CYLC1: variants seen among roughly 807,000 people sequenced by gnomAD.
CYLC1 encodes cylicin 1.
In CYLC1, 2 loss-of-function variants were observed where a neutral mutation model predicts 31.6. That is an observed-to-expected ratio of 0.06 (90% CI 0.03 to 0.20). CYLC1 has a LOEUF of 0.20. CYLC1 is among the 10% of genes least tolerant of loss of function. The pLI is 1.00. For synonymous variants in CYLC1, 185 were observed against 153.0 expected (o/e 1.21, Z -1.54); for missense variants, 595 against 424.1 (o/e 1.40, Z -3.54).
At chrX:83,871,062 T>C (rs1280268490) in intron 2 of CYLC1, among the ~76,000 whole-genome samples, 1 of 100,759 alleles carries the variant, frequency 9.9e-6, no homozygotes, top group Admixed American at 1.2e-4. Context: ...TTATATTGTC[T>C]GCAATCTAAC....
At position 83,874,109 on chromosome X, in the gene CYLC1, T is replaced by G. The variant is rs1290527251; in HGVS notation, c.1401T>G (p.Asp467Glu). The part of the protein sequence containing the change: ...GKKDEKKGKK[D>E]SKKDDKKKDA... ...AGGATGAAAAGAAGGGGAAGAAAGA[T>G]TCAAAGAAAGATGACAAAAAGAAGG... Residue 467 changes from aspartate to glutamate, a missense_variant, in exon 4 of 5, where the codon GAT becomes GAG. Physicochemically the swap from Asp to Glu is conservative, Grantham distance 45. Coordinates refer to ENST00000329312, the MANE Select transcript of CYLC1 (RefSeq NM_021118.3). 6 of 1,201,548 alleles carry G rather than the reference T, an allele frequency of 5.0e-6. No individual in the cohort carries two copies. Among genetic ancestry groups the G allele is most frequent in the Non-Finnish European group, 6.7e-6 (6 of 891,347 alleles).
At chrX:83,870,887 C>A (rs1490294606) in intron 2 of CYLC1, among the ~76,000 whole-genome samples, 2 of 110,622 alleles carry the variant, frequency 1.8e-5, no homozygotes, top group Non-Finnish European at 3.8e-5. Flanking sequence ...TAAATAGAAT[C>A]CCCAAAATGG....
chrX:83,864,781 G>A, intron 1 of CYLC1: 1 of 284,449 alleles, frequency 3.5e-6, no homozygotes, highest in Non-Finnish European at 6.6e-6. Flanking sequence ...AGCAGCACTT[G>A]ATACAACTGA....
chrX:83,872,780 A>T (rs1178792247), intron 3 of CYLC1, 106 bp from the exon 4 acceptor site: 4 of 650,462 alleles, frequency 6.1e-6, no homozygotes, highest in Non-Finnish European at 8.7e-6. Context: ...AGAGAAAAAA[A>T]CTAAGTTTAA....
At position 83,874,459 on chromosome X, in the gene CYLC1, A is replaced by G; in HGVS notation, c.1751A>G (p.Lys584Arg). The part of the protein sequence containing the change: ...ESKRGFRMSS[K>R]KTTFNEKGEK... ...AAGAGAGGATTCAGAATGTCATCCA[A>G]AAAGACTACATTCAATGAAAAAGGG... The change falls in exon 4 of 5, where the codon AAA (lysine) becomes AGA (arginine). Residue 584 changes from lysine to arginine, a missense_variant. Lys to Arg is a conservative substitution (Grantham distance 26). Transcript: ENST00000329312. The G allele has an allele frequency of 8.3e-7, 1 of 1,209,275 alleles. No individual in the cohort carries two copies. Among genetic ancestry groups the G allele is most frequent in the Non-Finnish European group, 1.1e-6 (1 of 894,009 alleles).
chrX:83,876,542 A>G (rs1472885509), intron 4 of CYLC1, among the ~76,000 whole-genome samples: 1 of 111,085 alleles, frequency 9.0e-6, no homozygotes, highest in Non-Finnish European at 1.9e-5. Context: ...TCTCTTTAAT[A>G]AACTTCCATA....
Position 83,874,191 on chromosome X carries a change from G to A in CYLC1, c.1483G>A (p.Asp495Asn). ...EMESDLELKKDKKHSKEKKGS... is the reference protein window; with the variant it reads ...EMESDLELKKNKKHSKEKKGS... ...GGAATCTGATTTGGAGTTAAAGAAGGACAAGAAACACTCAAAGGAAAAGAA... is the reference window on the plus strand; with the variant it reads ...GGAATCTGATTTGGAGTTAAAGAAGAACAAGAAACACTCAAAGGAAAAGAA... Residue 495 changes from aspartate to asparagine, a missense_variant, in exon 4 of 5, where the codon GAC becomes AAC. By Grantham distance (23) the Asp-to-Asn change is conservative. Coordinates refer to ENST00000329312, the MANE Select transcript of CYLC1 (RefSeq NM_021118.3). 1 of 1,204,566 alleles carries A rather than the reference G, an allele frequency of 8.3e-7. No individual in the cohort carries two copies. The highest frequency in any genetic ancestry group is 1.7e-5 in the African/African-American group (1 of 57,198).
At chrX:83,883,377 C>A (rs2052145857) in intron 4 of CYLC1, among the ~76,000 whole-genome samples, 1 of 111,805 alleles carries the variant, frequency 8.9e-6, no homozygotes, top group Non-Finnish European at 1.9e-5. Flanking sequence ...GGAGAATTAT[C>A]AATCTTTATT....
chrX:83,872,728 CACACA>C (rs1325755477), intron 3 of CYLC1, among the ~76,000 whole-genome samples, 153 bp from the exon 4 acceptor site: 2 of 107,736 alleles, frequency 1.9e-5, no homozygotes, highest in Non-Finnish European at 3.9e-5. Context: ...TACACACACA[CACACA>C]CACACACACA....
At chrX:83,880,308 G>C (rs1215110760) in intron 4 of CYLC1, among the ~76,000 whole-genome samples, 1 of 111,821 alleles carries the variant, frequency 8.9e-6, no homozygotes, top group Non-Finnish European at 1.9e-5. Flanking sequence ...GTTTTTAACA[G>C]GGACTAAAAC....
intron 4 of CYLC1, among the ~76,000 whole-genome samples, chrX:83,880,845 A>G (rs1016428855): frequency 2.7e-5 from 3 of 111,556 alleles, no homozygotes; most frequent in African/African-American, 9.8e-5. Context: ...ACGTATTAGA[A>G]CATGTTTAGT....
At chrX:83,885,910 T>A (rs1757798336) in intron 4 of CYLC1, among the ~76,000 whole-genome samples, 1 of 109,975 alleles carries the variant, frequency 9.1e-6, no homozygotes, top group South Asian at 3.8e-4. Context: ...TAGTAAGATC[T>A]GAAACAGATT....
intron 4 of CYLC1, among the ~76,000 whole-genome samples, chrX:83,885,360 A>C (rs755323183): frequency 9.1e-6 from 1 of 110,334 alleles, no homozygotes; most frequent in East Asian, 2.8e-4. Flanking sequence ...AGAAATAGAT[A>C]ATTTATACAG....
rs2031706603 is a variant in CYLC1 at position 83,873,535 on chromosome X, A to T, written c.827A>T (p.Tyr276Phe). Residue 276 changes from tyrosine (Y) to phenylalanine (F), a missense_variant, in exon 4 of 5, where the codon TAT becomes TTT. Tyr to Phe is a conservative substitution (Grantham distance 22). Transcript: ENST00000329312. The part of the protein sequence containing the change: ...RNYSQNNSKN[Y>F]SLKYTKYTKK... ...TACTCACAGAATAATTCAAAGAATT[A>T]TTCTTTGAAGTATACAAAGTATACA... is the stretch of plus-strand genomic sequence containing the variant. 3 of 1,196,970 alleles carry T rather than the reference A, an allele frequency of 2.5e-6. No individual in the cohort carries two copies. The highest frequency in any genetic ancestry group is 4.5e-5 in the Admixed American group (2 of 44,514).
intron 3 of CYLC1, among the ~76,000 whole-genome samples, 168 bp from the exon 4 acceptor site, chrX:83,872,716 CTT>C (rs1205220493): frequency 3.5e-5 from 2 of 56,674 alleles, no homozygotes; most frequent in Non-Finnish European, 7.9e-5. Context: ...CTGTCTCTCT[CTT>C]ACACACACAC....
chrX:83,882,449 T>C (rs2031924827), intron 4 of CYLC1, among the ~76,000 whole-genome samples: 1 of 111,025 alleles, frequency 9.0e-6, no homozygotes, highest in Admixed American at 9.7e-5. Flanking sequence ...CTTTTAATAG[T>C]TCCCTGCAAT....
chrX:83,880,867 A>G (rs2031898082), intron 4 of CYLC1, among the ~76,000 whole-genome samples: 2 of 111,498 alleles, frequency 1.8e-5, no homozygotes, highest in African/African-American at 6.5e-5. Flanking sequence ...CAACAAATAA[A>G]CCAATCAATA....
At chrX:83,861,345 T>A in intron 1 of CYLC1, 146 bp downstream of exon 1, 1 of 465,585 alleles carries the variant, frequency 2.1e-6, no homozygotes, top group South Asian at 5.1e-5. Context: ...AACAGAGATA[T>A]GAAATTTTCA....
intron 4 of CYLC1, among the ~76,000 whole-genome samples, chrX:83,882,565 T>C (rs1480460533): frequency 9.0e-6 from 1 of 111,069 alleles, no homozygotes; most frequent in African/African-American, 3.3e-5. Flanking sequence ...TTTCTACTAT[T>C]GTGGTTTTCT....
Sources: gnomAD v4.1 joint callset for allele counts (sites outside exome capture counted in the v4.1 genomes callset) on GRCh38, gnomAD v4.1.1 for gene constraint, MANE v1.5 for transcripts, NCBI Gene and HGNC (gene_info 2026-07-23, HGNC 2026-07-21) for gene names.